The following ANKRD42 variants were observed in gnomAD, a reference collection of about 807,000 sequenced individuals.
The protein encoded by ANKRD42 is ankyrin repeat domain 42.
In ANKRD42, 43 loss-of-function variants were observed where a neutral mutation model predicts 51.5. The observed-to-expected ratio is 0.83, with a 90% CI of 0.65 to 1.08. The LOEUF is 1.08. Ranked by LOEUF, ANKRD42 falls within the 50% of genes least tolerant of loss-of-function variation. The probability of loss-of-function intolerance (pLI) is 0.00; values close to 1 mark genes in which losing one functional copy is unlikely to be tolerated. For missense variants in ANKRD42, 608 were observed against 629.3 expected (o/e 0.97, Z 0.36); for synonymous variants, 203 against 213.0 (o/e 0.95, Z 0.41).
At chr11:83,239,922 C>T (rs1039851736) in intron 8 of ANKRD42, among the ~76,000 whole-genome samples, 6 of 152,188 alleles carry the variant, frequency 3.9e-5, no homozygotes, top group Admixed American at 3.3e-4. Context: ...TGTTAAATTA[C>T]AACCTAGTCG....
chr11:83,219,203 T>C (rs10792679), intron 5 of ANKRD42, among the ~76,000 whole-genome samples: 54,175 of 152,118 alleles, frequency 0.36, 9,933 homozygotes, highest in Middle Eastern at 0.55. Context: ...AGCTCATGGC[T>C]GCTTTTCCTG....
chr11:83,195,980 G>C (rs551381244), intron 1 of ANKRD42, among the ~76,000 whole-genome samples: 26 of 152,026 alleles, frequency 1.7e-4, no homozygotes, highest in African/African-American at 6.0e-4. Context: ...CGAGTAGCTA[G>C]GGCAACAGGG....
chr11:83,247,963 GC>G lies in ANKRD42; in HGVS notation c.1345del (p.Gln449SerfsTer12). 2 of 1,611,792 alleles carry G rather than the reference GC, an allele frequency of 1.2e-6. No individual in the cohort carries two copies. Among genetic ancestry groups the G allele is most frequent in the Non-Finnish European group, 1.7e-6 (2 of 1,179,286 alleles). On this transcript the variant is annotated frameshift_variant, in exon 11 of 11. Coordinates refer to ENST00000533342, the MANE Select transcript of ANKRD42 (RefSeq NM_001300975.2). LOFTEE classifies it low-confidence loss of function (END_TRUNC). Reference sequence around the variant, plus strand: ...GATAGGACCATCAAAGAACTGCAGGGCCAGCTGGAGTATGAACGACTACGTA... The same window carrying G: ...GATAGGACCATCAAAGAACTGCAGGGCAGCTGGAGTATGAACGACTACGTA... ...ESEKTIKELQ[G>X]QLEYERLRRE...
chr11:83,217,983 C>T (rs1862593591), intron 5 of ANKRD42, among the ~76,000 whole-genome samples: 1 of 152,148 alleles, frequency 6.6e-6, no homozygotes, highest in Non-Finnish European at 1.5e-5. Context: ...TTAGTAATGC[C>T]TCCAAATTTT....
At chr11:83,234,566 G>T (rs1223229373) in intron 7 of ANKRD42, among the ~76,000 whole-genome samples, 2 of 152,046 alleles carry the variant, frequency 1.3e-5, no homozygotes, top group South Asian at 2.1e-4. Context: ...GCATTTCATT[G>T]TAGATACATT....
chr11:83,246,100 T>C (rs1863534128), intron 10 of ANKRD42, among the ~76,000 whole-genome samples: 1 of 152,170 alleles, frequency 6.6e-6, no homozygotes, highest in South Asian at 2.1e-4. Flanking sequence ...CTCTGGACAA[T>C]GGGTACCTCT....
At chr11:83,219,215 G>A (rs1862637410) in intron 5 of ANKRD42, among the ~76,000 whole-genome samples, 1 of 152,184 alleles carries the variant, frequency 6.6e-6, no homozygotes, top group Admixed American at 6.5e-5. Flanking sequence ...CTTTTCCTGA[G>A]TCTTCCATCT....
chr11:83,255,826 T>G (rs1224042335), intron 11 of ANKRD42: 1 of 1,511,136 alleles, frequency 6.6e-7, no homozygotes, highest in African/African-American at 1.4e-5. Context: ...TATTTGACCC[T>G]CTTTTCCTTT....
Position 83,194,718 on chromosome 11 carries a change from T to C in ANKRD42, c.48T>C (p.Thr16=), listed in dbSNP as rs1861562193. 1 of 1,595,728 alleles carries C rather than the reference T, an allele frequency of 6.3e-7. No individual in the cohort carries two copies. The highest frequency in any genetic ancestry group is 8.5e-7 in the Non-Finnish European group (1 of 1,171,252). Residue 16 remains threonine, a synonymous_variant, in exon 1 of 11, where the codon ACT becomes ACC. Coordinates refer to ENST00000533342, the MANE Select transcript of ANKRD42 (RefSeq NM_001300975.2). The part of the protein sequence containing the change: ...NSGPSTSSRE[T]ANPCSRKKVH... ...GCCCCTCCACTTCCTCTAGGGAGAC[T>C]GCAAACCCCTGTGAGTCAGACTGTC...
chr11:83,209,398 C>T (rs1862215897), intron 3 of ANKRD42: 1 of 1,568,708 alleles, frequency 6.4e-7, no homozygotes, highest in Non-Finnish European at 8.7e-7. Context: ...ACCGAGCGAT[C>T]ATGTCGCACA....
chr11:83,260,384 C>G (rs1346659415), downstream of ANKRD42: 1 of 152,100 alleles, frequency 6.6e-6, no homozygotes, highest in Non-Finnish European at 1.5e-5. Flanking sequence ...TATATGGTAA[C>G]TTATTAATTG....
chr11:83,251,306 C>T (rs1278885808), downstream of ANKRD42, among the ~76,000 whole-genome samples: 8 of 152,102 alleles, frequency 5.3e-5, no homozygotes, highest in East Asian at 3.8e-4. Flanking sequence ...GAGGGCTTCT[C>T]GTCATCTGTA....
chr11:83,233,710 T>C (rs147114317), intron 7 of ANKRD42, among the ~76,000 whole-genome samples: 3,097 of 152,076 alleles, frequency 0.02, 98 homozygotes, highest in African/African-American at 0.07. Context: ...TGAGATGGAG[T>C]CTCACTGTGT....
chr11:83,217,698 T>C (rs1862584634), intron 5 of ANKRD42, among the ~76,000 whole-genome samples: 1 of 152,204 alleles, frequency 6.6e-6, no homozygotes. Context: ...CTTTGTCCTC[T>C]GGGGCAGTGC....
chr11:83,244,027 G>A (rs1863472156), intron 9 of ANKRD42, among the ~76,000 whole-genome samples: 1 of 128,326 alleles, frequency 7.8e-6, no homozygotes, highest in Admixed American at 8.8e-5. Flanking sequence ...TGTTGCCCAG[G>A]CTGGAATGCA....
chr11:83,242,282 G>T (rs992318422), intron 9 of ANKRD42, among the ~76,000 whole-genome samples: 67 of 152,118 alleles, frequency 4.4e-4, no homozygotes, highest in African/African-American at 1.4e-3. Flanking sequence ...GACTGTTTTT[G>T]CCTCCAGATT....
Position 83,224,937 on chromosome 11 carries a change from A to C in ANKRD42, c.669A>C (p.Lys223Asn), listed in dbSNP as rs763106252. Residue 223 changes from lysine to asparagine, a missense_variant, in exon 6 of 11, where the codon AAA (lysine) becomes AAC (asparagine). By Grantham distance (94) the Lys-to-Asn change is moderately conservative (BLOSUM62 0). Transcript: ENST00000533342. ...TGAGCAGTGCGACGCAAGTTTTAAA[A>C]GCTTTCAATGATAATGGAGAAAATG... ...SRMSSATQVL[K>N]AFNDNGENVL... The C allele has an allele frequency of 6.2e-6, 10 of 1,613,540 alleles. No homozygotes were observed. Among genetic ancestry groups the C allele is most frequent in the Non-Finnish European group, 7.6e-6 (9 of 1,179,558 alleles).
chr11:83,237,624 G>A (rs1401983510), intron 8 of ANKRD42, among the ~76,000 whole-genome samples: 1 of 152,142 alleles, frequency 6.6e-6, no homozygotes, highest in East Asian at 1.9e-4. Context: ...CTAAAATTTT[G>A]TTTATGGAAT....
chr11:83,245,516 T>C lies in ANKRD42; in HGVS notation c.1214T>C (p.Ile405Thr). The change falls in exon 10 of 11, where the codon ATT (isoleucine) becomes ACT (threonine). Residue 405 changes from isoleucine to threonine, a missense_variant. Ile to Thr is a moderately conservative substitution (Grantham distance 89, BLOSUM62 -1). Transcript: ENST00000533342. ...TDARMRAYKK[I>T]VELRHLLEIA... The stretch of plus-strand genomic sequence containing the variant: ...CTTGCAGTGAGAGCTTACAAGAAAA[T>C]TGTAGAATTGAGACACCTCCTGGAA... 1 of 1,536,244 alleles carries C rather than the reference T, an allele frequency of 6.5e-7. No homozygotes were observed. The highest frequency in any genetic ancestry group is 8.7e-7 in the Non-Finnish European group (1 of 1,146,930).
Sources: allele counts gnomAD v4.1 joint callset (sites outside exome capture counted in the v4.1 genomes callset), GRCh38; gene constraint gnomAD v4.1.1; transcripts MANE v1.5; gene names NCBI Gene and HGNC (gene_info 2026-07-23, HGNC 2026-07-21).